Variants in COL23A1 observed in about 807,000 individuals in gnomAD.
COL23A1 encodes collagen type XXIII alpha 1 chain.
COL23A1 carries 97 observed loss-of-function variants against 99.3 expected under a neutral mutation model. That is an observed-to-expected ratio of 0.98 (90% CI 0.83 to 1.16). The LOEUF (loss-of-function observed/expected upper bound fraction) is 1.16. COL23A1 is among the 50% of genes most tolerant of loss of function. The probability of loss-of-function intolerance (pLI) is 0.00; values close to 1 mark genes in which losing one functional copy is unlikely to be tolerated. For synonymous variants in COL23A1, 320 were observed against 308.2 expected (o/e 1.04, Z -0.40); for missense variants, 762 against 757.4 (o/e 1.01, Z -0.07).
intron 1 of COL23A1, among the ~76,000 whole-genome samples, chr5:178,569,429 G>T (rs1432979725): frequency 6.6e-6 from 1 of 152,144 alleles, no homozygotes; most frequent in Non-Finnish European, 1.5e-5. Flanking sequence ...TTTTCCAATG[G>T]TTTCGTGCTG....
At chr5:178,579,400 C>CG (rs1763547447) in intron 1 of COL23A1, among the ~76,000 whole-genome samples, 1 of 152,194 alleles carries the variant, frequency 6.6e-6, no homozygotes. Flanking sequence ...GGAGGTCACA[C>CG]AGCTGGAAAA....
At chr5:178,501,721 G>A (rs910521304) in intron 2 of COL23A1, among the ~76,000 whole-genome samples, 1 of 152,210 alleles carries the variant, frequency 6.6e-6, no homozygotes, top group African/African-American at 2.4e-5. Flanking sequence ...ACCCCTGCTG[G>A]GGTAGCCTCA....
In COL23A1 at chr5:178,384,213, C is replaced by T. The variant is rs1263683389; in HGVS notation, c.362-77294G>A. The stretch of plus-strand genomic sequence containing the variant: ...TAGTGACAACGAGAGCAGCGTGGAG[C>T]CAGACGCTGCTGCGAGCTGAGCTGC... On this transcript the variant is annotated intron_variant, in intron 2 of 28. Transcript: ENST00000390654. The surrounding 1 kb of genome is among the most constrained non-coding windows in gnomAD (Gnocchi z 5.5). Among the ~76,000 whole-genome samples, 1 of 152,200 alleles carries T rather than the reference C, an allele frequency of 6.6e-6. No homozygotes were observed. Among genetic ancestry groups the T allele is most frequent in the Non-Finnish European group, 1.5e-5 (1 of 68,038 alleles).
chr5:178,246,490 G>T (rs778588910), intron 22 of COL23A1, 37 bp from the exon 23 acceptor site: 1 of 1,547,608 alleles, frequency 6.5e-7, no homozygotes, highest in Non-Finnish European at 8.7e-7. Context: ...AAGGGGAAGG[G>T]GTTAGACAGA....
Position 178,263,253 on chromosome 5 carries a change from A to C in COL23A1, c.594T>G (p.Pro198=). The C allele has an allele frequency of 6.2e-7, 1 of 1,613,570 alleles. No individual in the cohort carries two copies. Among genetic ancestry groups the C allele is most frequent in the Non-Finnish European group, 8.5e-7 (1 of 1,179,872 alleles). Residue 198 remains proline (P), a synonymous_variant, in exon 9 of 29, where the codon CCT becomes CCG. Coordinates refer to ENST00000390654, the MANE Select transcript of COL23A1 (RefSeq NM_173465.4). ...PPGPPGARGP[P]GDTGKDGPRG... ...TGGGGCCATCTTTCCCAGTGTCGCC[A>C]GGAGGGCCCCGGGCCCCAGGAGGTC...
intron 1 of COL23A1, chr5:178,562,564 G>GAAAAAA (rs746935339): frequency 8.6e-6 from 1 of 115,660 alleles, no homozygotes. Context: ...AATAAAAAAA[G>GAAAAAA]AAAAAAAAAA....
At chr5:178,557,498 CG>C (rs1383768750) in intron 2 of COL23A1, among the ~76,000 whole-genome samples, 1 of 152,132 alleles carries the variant, frequency 6.6e-6, no homozygotes, top group Non-Finnish European at 1.5e-5. Context: ...CTGGCTGGGG[CG>C]AGAGAGAAGC....
At chr5:178,342,185 C>T (rs1378150511) in intron 2 of COL23A1, among the ~76,000 whole-genome samples, 2 of 152,178 alleles carry the variant, frequency 1.3e-5, no homozygotes, top group African/African-American at 4.8e-5. Flanking sequence ...CCACATGGCC[C>T]ACGATGGAGG....
At chr5:178,476,785 T>C (rs992290657) in intron 2 of COL23A1, among the ~76,000 whole-genome samples, 3 of 152,276 alleles carry the variant, frequency 2.0e-5, no homozygotes, top group African/African-American at 4.8e-5. Flanking sequence ...CCAGCCACCA[T>C]GCTAGGGACC....
intron 5 of COL23A1, among the ~76,000 whole-genome samples, chr5:178,285,050 G>A (rs893352245): frequency 2.6e-5 from 4 of 152,194 alleles, no homozygotes; most frequent in Admixed American, 6.5e-5. Flanking sequence ...GCATCCTCGG[G>A]AGCAGAGAGG....
chr5:178,329,744 C>T (rs1177146756), intron 2 of COL23A1, among the ~76,000 whole-genome samples: 3 of 152,142 alleles, frequency 2.0e-5, no homozygotes, highest in African/African-American at 7.2e-5. Flanking sequence ...CGAGACCAGC[C>T]TGGCTAACAT....
Position 178,439,306 on chromosome 5 carries a change from T to A in COL23A1, c.361+121376A>T, listed in dbSNP as rs1038991170. On this transcript the variant is annotated intron_variant, in intron 2 of 28. Coordinates refer to ENST00000390654, the MANE Select transcript of COL23A1 (RefSeq NM_173465.4). This position sits in a 1 kb window ranked among gnomAD's most constrained non-coding sequence, Gnocchi z 4.2. ...CTTGCTCCCAAGTCACCTCCATCTT[T>A]TCTCTCTCAGCCACTTGCTGATTGA... 3.3e-5 allele frequency: 5 copies of A among 152,142 alleles called. No individual in the cohort carries two copies. The highest frequency in any genetic ancestry group is 7.3e-5 in the Non-Finnish European group (5 of 68,062). 9.4% of individuals were successfully genotyped at this position (152,142 alleles called of 1,614,324 possible). A position where few individuals can be genotyped will look rare whatever the true frequency, so the allele number is the denominator to read the frequency against.
intron 2 of COL23A1, among the ~76,000 whole-genome samples, chr5:178,462,460 A>G (rs1251073698): frequency 6.6e-6 from 1 of 152,250 alleles, no homozygotes; most frequent in Non-Finnish European, 1.5e-5. Context: ...AGAACAAAAG[A>G]GAAGAATCTG....
rs1766716395 is a variant in COL23A1, at chr5:178,439,017, A to G, written c.361+121665T>C. ...GTGTGCACCTGCGCCTGAGAGCTTG[A>G]CTCAGCCCAGTGTGCATTCAAATCA... On this transcript the variant is annotated intron_variant, in intron 2 of 28. Coordinates refer to ENST00000390654, the MANE Select transcript of COL23A1 (RefSeq NM_173465.4). The surrounding 1 kb of genome is among the most constrained non-coding windows in gnomAD (Gnocchi z 4.2). 1 of 152,196 alleles carries G rather than the reference A, an allele frequency of 6.6e-6. No individual in the cohort carries two copies. The highest frequency in any genetic ancestry group is 1.5e-5 in the Non-Finnish European group (1 of 68,040). 9.4% of individuals were successfully genotyped at this position (152,196 alleles called of 1,614,324 possible). A position where few individuals can be genotyped will look rare whatever the true frequency, so the allele number is the denominator to read the frequency against.
At position 178,282,629 on chromosome 5, in the gene COL23A1, G is replaced by C. The variant is rs150866332; in HGVS notation, c.441+5695C>G. ...TCTCAGCTAAGTCCTGTCACCCTCTGAGCTCAGATTTCTCATCTGTCAGGT... is the reference window on the plus strand; with the variant it reads ...TCTCAGCTAAGTCCTGTCACCCTCTCAGCTCAGATTTCTCATCTGTCAGGT... On this transcript the variant is annotated intron_variant, in intron 5 of 28. Transcript: ENST00000390654. Among the ~76,000 whole-genome samples the C allele has an allele frequency of 2.0e-3, 302 of 152,316 alleles. 2 individuals are homozygous for C. Among genetic ancestry groups the C allele is most frequent in the African/African-American group, 6.9e-3 (286 of 41,578 alleles).
intron 1 of COL23A1, chr5:178,562,736 T>TGGGGCG (rs1762655260): frequency 9.4e-6 from 1 of 106,826 alleles, no homozygotes; most frequent in Non-Finnish European, 1.8e-5. Flanking sequence ...TGGCTGGTGG[T>TGGGGCG]GGGGGGGGTG....
rs944399836 is a variant in COL23A1, at chr5:178,288,315, A to G, written c.441+9T>C. ...GGTGAAGAGAGCAAAAAAATAAATG[A>G]CAAATTACCGGGTAGCCATCTCGTC... On this transcript the variant is annotated intron_variant, in intron 5 of 28. Coordinates refer to ENST00000390654, the MANE Select transcript of COL23A1 (RefSeq NM_173465.4). 1.2e-6 allele frequency: 2 copies of G among 1,606,466 alleles called. No homozygotes were observed. Among genetic ancestry groups the G allele is most frequent in the African/African-American group, 2.7e-5 (2 of 74,790 alleles).
intron 1 of COL23A1, among the ~76,000 whole-genome samples, chr5:178,563,296 G>A (rs1762694218): frequency 1.3e-5 from 2 of 152,120 alleles, no homozygotes; most frequent in Non-Finnish European, 2.9e-5. Flanking sequence ...GAGCAGCCTG[G>A]GCCAGCCCCC....
chr5:178,456,242 G>C (rs952575159), intron 2 of COL23A1, among the ~76,000 whole-genome samples: 1 of 152,126 alleles, frequency 6.6e-6, no homozygotes, highest in Non-Finnish European at 1.5e-5. Flanking sequence ...TACTTCCCTA[G>C]GCTTCTATAA....
Sources: gnomAD v4.1 joint callset for allele counts (sites outside exome capture counted in the v4.1 genomes callset) on GRCh38, gnomAD v4.1.1 for gene constraint, Gnocchi (gnomAD v3.1) non-coding constraint, MANE v1.5 for transcripts, NCBI Gene and HGNC (gene_info 2026-07-23, HGNC 2026-07-21) for gene names.